Variants in GRIK4 observed in about 807,000 individuals in gnomAD.
GRIK4 encodes the protein glutamate ionotropic receptor kainate type subunit 4, also known as glutamate receptor ionotropic, kainate 4.
A neutral mutation model predicts 104.9 loss-of-function variants in GRIK4; 40 were observed. That is an observed-to-expected ratio of 0.38 (90% confidence interval 0.30 to 0.50). GRIK4 has a LOEUF of 0.50. Ranked by LOEUF, GRIK4 falls within the 20% of genes least tolerant of loss-of-function variation. The pLI is 0.93. For synonymous variants in GRIK4, 485 were observed against 524.9 expected (o/e 0.92, Z 1.04); for missense variants, 1,047 against 1,308.1 (o/e 0.80, Z 3.08).
chr11:120,587,547 T>C (rs993173848), intron 1 of GRIK4, among the ~76,000 whole-genome samples: 2 of 152,218 alleles, frequency 1.3e-5, no homozygotes, highest in Non-Finnish European at 2.9e-5. Flanking sequence ...TATGTAGTTA[T>C]TATTATCATG....
At chr11:120,703,173 T>C (rs1462777837) in intron 3 of GRIK4, among the ~76,000 whole-genome samples, 1 of 152,176 alleles carries the variant, frequency 6.6e-6, no homozygotes, top group Non-Finnish European at 1.5e-5. Context: ...AGTTTTTAAA[T>C]TGCATTTGAC....
At chr11:120,697,363 C>T (rs1279679982) in intron 3 of GRIK4, among the ~76,000 whole-genome samples, 1 of 152,206 alleles carries the variant, frequency 6.6e-6, no homozygotes, top group East Asian at 1.9e-4. Flanking sequence ...CGCCTGTAAT[C>T]CCAGCATCTT....
At chr11:120,862,927 A>G (rs1416966737) in intron 9 of GRIK4, among the ~76,000 whole-genome samples, 3 of 152,152 alleles carry the variant, frequency 2.0e-5, no homozygotes, top group African/African-American at 4.8e-5. Flanking sequence ...GCTAACTCCA[A>G]CTTCCTGAGG....
chr11:120,905,727 A>G lies in GRIK4; in HGVS notation c.1476+234A>G, dbSNP rs1044824487. 6.6e-6 allele frequency among the ~76,000 whole-genome samples: 1 copy of G among 152,188 alleles called. No individual in the cohort carries two copies. Among genetic ancestry groups the G allele is most frequent in the Non-Finnish European group, 1.5e-5 (1 of 68,032 alleles). On this transcript the variant is annotated intron_variant, in intron 13 of 20. Transcript: ENST00000527524. The surrounding 1 kb of genome is among the most constrained non-coding windows in gnomAD (Gnocchi z 5.1). ...GCTTTCCCAGTCCAGAGCCTGTGAC[A>G]AGTCATGGAGGCTCTGATTGATTAA...
At chr11:120,785,897 C>A (rs956064936) in intron 3 of GRIK4, among the ~76,000 whole-genome samples, 1 of 152,206 alleles carries the variant, frequency 6.6e-6, no homozygotes, top group African/African-American at 2.4e-5. Flanking sequence ...CCCCACTCAG[C>A]GGGGTTGCCA....
intron 3 of GRIK4, among the ~76,000 whole-genome samples, chr11:120,666,763 G>A (rs188517758): frequency 7.2e-5 from 11 of 152,306 alleles, no homozygotes; most frequent in Admixed American, 3.3e-4. Flanking sequence ...ATCGAGCAGC[G>A]TGGCCAGTGG....
At chr11:120,551,737 C>T (rs1466959792) in intron 1 of GRIK4, among the ~76,000 whole-genome samples, 1 of 152,076 alleles carries the variant, frequency 6.6e-6, no homozygotes, top group African/African-American at 2.4e-5. Flanking sequence ...GCCGAGATCA[C>T]ACCGTTGCAC....
chr11:120,686,285 A>G (rs1026083891), intron 3 of GRIK4, among the ~76,000 whole-genome samples: 1 of 152,200 alleles, frequency 6.6e-6, no homozygotes, highest in African/African-American at 2.4e-5. Flanking sequence ...TCTGTCTTTC[A>G]AGGCCAAACT....
intron 3 of GRIK4, among the ~76,000 whole-genome samples, chr11:120,742,322 G>A (rs1333469470): frequency 5.3e-5 from 8 of 149,576 alleles, no homozygotes; most frequent in Admixed American, 1.3e-4. Context: ...CTCCAGTCTG[G>A]GCCACAGAGC....
chr11:120,934,265 G>C (rs1334142197), intron 13 of GRIK4, among the ~76,000 whole-genome samples: 1 of 151,688 alleles, frequency 6.6e-6, no homozygotes, highest in Admixed American at 6.6e-5. Flanking sequence ...ACTGCTGAGT[G>C]GGAGGGAGGG....
intron 3 of GRIK4, among the ~76,000 whole-genome samples, chr11:120,666,978 T>G (rs988254458): frequency 6.6e-6 from 1 of 152,190 alleles, no homozygotes; most frequent in Non-Finnish European, 1.5e-5. Context: ...TTTGATTCCT[T>G]GTAAAAAAGT....
intron 3 of GRIK4, among the ~76,000 whole-genome samples, chr11:120,749,794 G>A (rs749420285): frequency 1.3e-5 from 2 of 152,226 alleles, no homozygotes; most frequent in Non-Finnish European, 2.9e-5. Context: ...CAGAAGGACT[G>A]ATGGGCTCAG....
intron 1 of GRIK4, among the ~76,000 whole-genome samples, chr11:120,594,766 C>G (rs1343743223): frequency 1.3e-5 from 2 of 152,126 alleles, no homozygotes; most frequent in Non-Finnish European, 2.9e-5. Flanking sequence ...ACGGTTAATC[C>G]AATTCACTCA....
At chr11:120,797,858 A>G (rs1252421229) in intron 3 of GRIK4, among the ~76,000 whole-genome samples, 6 of 152,168 alleles carry the variant, frequency 3.9e-5, no homozygotes, top group Non-Finnish European at 7.3e-5. Context: ...CAAGATTCGC[A>G]CGTTCCCTAT....
intron 3 of GRIK4, among the ~76,000 whole-genome samples, chr11:120,720,127 C>G (rs1193650022): frequency 6.6e-6 from 1 of 151,974 alleles, no homozygotes; most frequent in Non-Finnish European, 1.5e-5. Context: ...GAATGTGGAG[C>G]AGGTTGTGTG....
chr11:120,786,729 C>CTAG (rs1952285705), intron 3 of GRIK4, among the ~76,000 whole-genome samples: 1 of 152,194 alleles, frequency 6.6e-6, no homozygotes, highest in African/African-American at 2.4e-5. Flanking sequence ...GTCAGTCTTG[C>CTAG]TAGTGGAAGA....
At chr11:120,531,507 CTG>C (rs1247728894) in intron 1 of GRIK4, among the ~76,000 whole-genome samples, 2 of 152,192 alleles carry the variant, frequency 1.3e-5, no homozygotes, top group Admixed American at 1.3e-4. Flanking sequence ...GATCAGGAAA[CTG>C]AGACTGGTGC....
chr11:120,516,759 T>C (rs1456759652), intron 1 of GRIK4, among the ~76,000 whole-genome samples: 1 of 151,976 alleles, frequency 6.6e-6, no homozygotes, highest in East Asian at 1.9e-4. Flanking sequence ...CAGAGATAAC[T>C]TTGAGATTTC....
intron 3 of GRIK4, among the ~76,000 whole-genome samples, chr11:120,719,427 G>T (rs898530977): frequency 4.6e-5 from 7 of 152,162 alleles, no homozygotes; most frequent in Non-Finnish European, 7.3e-5. Context: ...ATTCAAATCG[G>T]CTCTGATACT....
Sources: gnomAD v4.1 joint callset for allele counts (sites outside exome capture counted in the v4.1 genomes callset) on GRCh38, gnomAD v4.1.1 for gene constraint, Gnocchi (gnomAD v3.1) non-coding constraint, MANE v1.5 for transcripts, NCBI Gene and HGNC (gene_info 2026-07-23, HGNC 2026-07-21) for gene names.